Variants in PTPRK observed in about 807,000 individuals in gnomAD.
PTPRK encodes protein tyrosine phosphatase receptor type K.
In PTPRK, 75 loss-of-function variants were observed where a neutral mutation model predicts 178.0. The ratio of observed to expected loss-of-function variants is 0.42; its 90% CI spans 0.35 to 0.51. The LOEUF is 0.51. Ranked by LOEUF, PTPRK falls within the 20% of genes least tolerant of loss-of-function variation. The pLI is 0.02. For missense variants in PTPRK, 1,441 were observed against 1,797.8 expected, an observed-to-expected ratio of 0.80 and a Z score of 3.59; for synonymous variants, 637 against 620.6, an observed-to-expected ratio of 1.03 and a Z score of -0.39.
chr6:128,206,643 G>A (rs577234071), intron 6 of PTPRK, among the ~76,000 whole-genome samples: 2 of 152,138 alleles, frequency 1.3e-5, no homozygotes, highest in Admixed American at 1.3e-4. Context: ...TACATTTTTT[G>A]TGTTCATCTC....
intron 2 of PTPRK, among the ~76,000 whole-genome samples, chr6:128,376,536 G>C (rs1215787043): frequency 6.6e-6 from 1 of 152,138 alleles, no homozygotes; most frequent in Non-Finnish European, 1.5e-5. Context: ...CTGTTGTGAA[G>C]ACATCTAACA....
intron 3 of PTPRK, among the ~76,000 whole-genome samples, chr6:128,256,766 G>T (rs1043502512): frequency 6.6e-6 from 1 of 151,840 alleles, no homozygotes; most frequent in South Asian, 2.1e-4. Flanking sequence ...CTGGGAAAGC[G>T]GACAATGATT....
chr6:128,166,571 A>G (rs564498541), intron 7 of PTPRK, among the ~76,000 whole-genome samples: 1 of 151,900 alleles, frequency 6.6e-6, no homozygotes, highest in South Asian at 2.1e-4. Flanking sequence ...ATTATAAATA[A>G]TAAATACTGT....
At chr6:128,033,491 T>C (rs1212517686) in intron 13 of PTPRK, among the ~76,000 whole-genome samples, 1 of 152,176 alleles carries the variant, frequency 6.6e-6, no homozygotes, top group Non-Finnish European at 1.5e-5. Flanking sequence ...TTCAAATAAA[T>C]TTTTGTTTTA....
intron 7 of PTPRK, among the ~76,000 whole-genome samples, chr6:128,126,713 T>G (rs1793437792): frequency 6.6e-6 from 1 of 152,190 alleles, no homozygotes; most frequent in Admixed American, 6.5e-5. Context: ...GGTCTCAAAC[T>G]TCTGGGCTCA....
At chr6:128,333,445 C>T (rs1047797249) in intron 2 of PTPRK, among the ~76,000 whole-genome samples, 9 of 151,494 alleles carry the variant, frequency 5.9e-5, no homozygotes, top group African/African-American at 2.2e-4. Flanking sequence ...TATGTTTATA[C>T]AATACTGTAG....
At chr6:128,509,820 C>CA (rs1481449240) in intron 1 of PTPRK, among the ~76,000 whole-genome samples, 3 of 152,118 alleles carry the variant, frequency 2.0e-5, no homozygotes, top group African/African-American at 7.2e-5. Flanking sequence ...CAGCCTCCTG[C>CA]ATAGATCTCC....
chr6:128,409,144 A>G (rs961132281), intron 1 of PTPRK: 1 of 301,908 alleles, frequency 3.3e-6, no homozygotes, highest in South Asian at 2.9e-5. Flanking sequence ...AAACACAGGG[A>G]AACTACTTAT....
At chr6:128,456,384 A>G (rs1349056567) in intron 1 of PTPRK, among the ~76,000 whole-genome samples, 1 of 152,106 alleles carries the variant, frequency 6.6e-6, no homozygotes, top group African/African-American at 2.4e-5. Context: ...TATCAGAAAT[A>G]TTTGTAGATT....
chr6:128,234,249 G>A (rs1183930414), intron 5 of PTPRK, among the ~76,000 whole-genome samples: 1 of 152,194 alleles, frequency 6.6e-6, no homozygotes, highest in Non-Finnish European at 1.5e-5. Flanking sequence ...AGTAATGCCT[G>A]TAGGCTATTA....
intron 1 of PTPRK, among the ~76,000 whole-genome samples, chr6:128,416,457 C>T (rs1296497747): frequency 4.0e-5 from 6 of 150,716 alleles, no homozygotes; most frequent in East Asian, 2.0e-4. Context: ...CTGGCTAACA[C>T]GGTGAAACCC....
At chr6:128,473,775 G>T (rs543745703) in intron 1 of PTPRK, among the ~76,000 whole-genome samples, 10 of 152,130 alleles carry the variant, frequency 6.6e-5, no homozygotes, top group South Asian at 2.1e-4. Context: ...ATCTCCTGCT[G>T]ATCAGCATAC....
chr6:128,510,205 G>A (rs961417426), intron 1 of PTPRK, among the ~76,000 whole-genome samples: 5 of 152,110 alleles, frequency 3.3e-5, no homozygotes, highest in Non-Finnish European at 1.5e-5. Flanking sequence ...GCCATTGAAG[G>A]TCCATTACGG....
chr6:127,986,620 G>C (rs1776009580), intron 21 of PTPRK, among the ~76,000 whole-genome samples: 1 of 152,016 alleles, frequency 6.6e-6, no homozygotes, highest in Non-Finnish European at 1.5e-5. Context: ...AGCACAGCTT[G>C]GAAGGTATAG....
chr6:128,008,140 T>C (rs1778640896), intron 14 of PTPRK: 2 of 1,093,720 alleles, frequency 1.8e-6, no homozygotes, highest in Admixed American at 2.1e-5. Flanking sequence ...TCTGATGGAA[T>C]CATTAAAACA....
At chr6:128,397,714 C>A in intron 1 of PTPRK, 26 bp from the exon 2 acceptor site, 5 of 1,607,612 alleles carry the variant, frequency 3.1e-6, no homozygotes, top group Non-Finnish European at 4.3e-6. Flanking sequence ...ACTACTGTTA[C>A]ATTCTAAACA....
chr6:128,157,344 A>G (rs1462716651), intron 7 of PTPRK, among the ~76,000 whole-genome samples: 2 of 152,030 alleles, frequency 1.3e-5, no homozygotes, highest in East Asian at 3.9e-4. Context: ...TTCTTAAAAC[A>G]TATACATGAG....
chr6:128,366,948 G>T (rs374312083), intron 2 of PTPRK, among the ~76,000 whole-genome samples: 38 of 152,050 alleles, frequency 2.5e-4, no homozygotes, highest in African/African-American at 9.2e-4. Flanking sequence ...TGACTCCAGC[G>T]TTAGAAGATA....
chr6:127,995,573 AT>A (rs1562401016), intron 17 of PTPRK, 35 bp from the exon 18 acceptor site: 14 of 1,332,544 alleles, frequency 1.1e-5, no homozygotes, highest in Non-Finnish European at 1.5e-5. Context: ...AAGCTGTTAA[AT>A]TTTCCCCCTG....
Sources: gnomAD v4.1 joint callset for allele counts (sites outside exome capture counted in the v4.1 genomes callset) on GRCh38, gnomAD v4.1.1 for gene constraint, MANE v1.5 for transcripts, NCBI Gene and HGNC (gene_info 2026-07-23, HGNC 2026-07-21) for gene names.